Variants in CSMD1 observed in about 807,000 individuals in gnomAD.
CSMD1 encodes the protein CUB and sushi domain-containing protein 1.
CSMD1 carries 213 observed loss-of-function variants against 417.5 expected under a neutral mutation model. That is an observed-to-expected ratio of 0.51 (90% CI 0.46 to 0.57). The LOEUF is 0.57. Ranked by LOEUF, CSMD1 falls within the 20% of genes least tolerant of loss-of-function variation. CSMD1 has a pLI of 0.00. For synonymous variants in CSMD1, 2,862 were observed against 1,736.8 expected, an observed-to-expected ratio of 1.65 and a Z score of -16.11; for missense variants, 6,923 against 4,529.7, an observed-to-expected ratio of 1.53 and a Z score of -15.17.
chr8:4,445,124 T>G (rs73660830), intron 2 of CSMD1, among the ~76,000 whole-genome samples: 6 of 152,232 alleles, frequency 3.9e-5, no homozygotes, highest in African/African-American at 1.2e-4. Flanking sequence ...GACTGGATAG[T>G]AGATACAGTG....
rs1044756603 is a variant in CSMD1 at position 4,082,958 on chromosome 8, G to A, written c.416-50859C>T. 2.6e-5 allele frequency among the ~76,000 whole-genome samples: 4 copies of A among 151,680 alleles called. No individual in the cohort carries two copies. The East Asian group carries it at 7.8e-4, about 29-fold the overall frequency. On this transcript the variant is annotated intron_variant, in intron 3 of 69. Coordinates refer to ENST00000635120, the MANE Select transcript of CSMD1 (RefSeq NM_033225.6). ...AGGACATGAACTCACCATTTTTTAT[G>A]GCTGAATAGGACTCCATGGTGTATA... is the stretch of plus-strand genomic sequence containing the variant.
intron 10 of CSMD1, among the ~76,000 whole-genome samples, chr8:3,527,018 C>G (rs913485385): frequency 6.6e-6 from 1 of 152,028 alleles, no homozygotes; most frequent in Non-Finnish European, 1.5e-5. Flanking sequence ...TCTCCCTACT[C>G]AGAATGTGGC....
chr8:4,575,178 C>T (rs1336868154), intron 2 of CSMD1, among the ~76,000 whole-genome samples: 1 of 152,204 alleles, frequency 6.6e-6, no homozygotes, highest in African/African-American at 2.4e-5. Context: ...AGAACTGTAT[C>T]TTATCACTTG....
intron 1 of CSMD1, among the ~76,000 whole-genome samples, chr8:4,825,171 C>T (rs762223195): frequency 2.6e-4 from 39 of 152,004 alleles, no homozygotes; most frequent in Non-Finnish European, 5.0e-4. Flanking sequence ...ATAAATGTGA[C>T]TTATCTGACA....
chr8:3,772,686 T>C (rs1000349588), intron 5 of CSMD1, among the ~76,000 whole-genome samples: 24 of 147,594 alleles, frequency 1.6e-4, no homozygotes, highest in African/African-American at 2.5e-4. Flanking sequence ...TATATACATA[T>C]ATATACAAAT....
chr8:3,200,411 C>T (rs1047907955), intron 32 of CSMD1, among the ~76,000 whole-genome samples: 3 of 151,542 alleles, frequency 2.0e-5, no homozygotes, highest in Admixed American at 6.6e-5. Flanking sequence ...AAAAATTAGC[C>T]AGGCGTGGTG....
At chr8:3,461,645 C>A (rs12679630) in intron 12 of CSMD1, among the ~76,000 whole-genome samples, 117,831 of 152,182 alleles carry the variant, frequency 0.77, 46,098 homozygotes, top group African/African-American at 0.89. Flanking sequence ...CAGCATCTTC[C>A]AGATCCTCAT....
intron 1 of CSMD1, among the ~76,000 whole-genome samples, chr8:4,761,132 T>G (rs1213205200): frequency 6.6e-6 from 1 of 152,088 alleles, no homozygotes; most frequent in Non-Finnish European, 1.5e-5. Context: ...AAAAGAGTCT[T>G]CTACACGTAA....
chr8:3,460,417 G>A (rs1245350804), intron 12 of CSMD1, among the ~76,000 whole-genome samples: 2 of 152,100 alleles, frequency 1.3e-5, no homozygotes, highest in Non-Finnish European at 2.9e-5. Context: ...GTGGACCCTG[G>A]GAAGGCTCCA....
intron 42 of CSMD1, among the ~76,000 whole-genome samples, chr8:3,113,912 T>C (rs1275892489): frequency 2.0e-5 from 3 of 152,098 alleles, no homozygotes; most frequent in African/African-American, 7.2e-5. Context: ...TTAAGTGATA[T>C]TACATCAAAT....
At chr8:4,210,585 T>A (rs1800246014) in intron 3 of CSMD1, among the ~76,000 whole-genome samples, 1 of 152,178 alleles carries the variant, frequency 6.6e-6, no homozygotes, top group African/African-American at 2.4e-5. Flanking sequence ...ACCAATTTTC[T>A]AAAATGTTTA....
chr8:4,604,701 T>C (rs1800776193), intron 2 of CSMD1, among the ~76,000 whole-genome samples: 1 of 152,130 alleles, frequency 6.6e-6, no homozygotes, highest in African/African-American at 2.4e-5. Flanking sequence ...TACTTGGGAA[T>C]GATGATGATA....
chr8:4,566,584 T>C (rs909614246), intron 2 of CSMD1, among the ~76,000 whole-genome samples: 9 of 125,622 alleles, frequency 7.2e-5, no homozygotes, highest in Non-Finnish European at 1.2e-4. Flanking sequence ...ACCCAGGAGG[T>C]GGAGCTTGCA....
intron 12 of CSMD1, among the ~76,000 whole-genome samples, chr8:3,421,004 A>T (rs270080): frequency 0.24 from 36,168 of 151,966 alleles, 4,530 homozygotes; most frequent in Non-Finnish European, 0.29. Context: ...GTAGATTATT[A>T]AAAAAAAGAC....
At chr8:3,026,666 G>A (rs1231562636) in intron 51 of CSMD1, among the ~76,000 whole-genome samples, 2 of 152,218 alleles carry the variant, frequency 1.3e-5, no homozygotes, top group Admixed American at 6.5e-5. Context: ...CTGTGAGACC[G>A]TGAGCAGAGG....
chr8:4,917,255 G>C (rs932581595), intron 1 of CSMD1, among the ~76,000 whole-genome samples: 1 of 152,136 alleles, frequency 6.6e-6, no homozygotes, highest in African/African-American at 2.4e-5. Context: ...GCAGTAGGGG[G>C]ATGGTTCTAA....
At chr8:3,249,253 A>G (rs1366049664) in intron 26 of CSMD1, among the ~76,000 whole-genome samples, 1 of 151,828 alleles carries the variant, frequency 6.6e-6, no homozygotes, top group Admixed American at 6.6e-5. Flanking sequence ...ATAGAGACTC[A>G]CTCTGTTGCC....
intron 3 of CSMD1, among the ~76,000 whole-genome samples, chr8:4,318,372 C>G (rs1247680720): frequency 1.3e-5 from 2 of 152,126 alleles, no homozygotes; most frequent in African/African-American, 4.8e-5. Context: ...CATGTGCACA[C>G]TCTCGTACAC....
At chr8:4,441,911 A>G (rs1291805447) in intron 2 of CSMD1, among the ~76,000 whole-genome samples, 1 of 152,240 alleles carries the variant, frequency 6.6e-6, no homozygotes, top group Non-Finnish European at 1.5e-5. Flanking sequence ...AAATTCCTTT[A>G]TAAATCTTAT....
Sources: gnomAD v4.1 joint callset for allele counts (sites outside exome capture counted in the v4.1 genomes callset) on GRCh38, gnomAD v4.1.1 for gene constraint, MANE v1.5 for transcripts, NCBI Gene and HGNC (gene_info 2026-07-23, HGNC 2026-07-21) for gene names.